Variants in VAV3 observed in about 807,000 individuals in gnomAD.
VAV3 encodes guanine nucleotide exchange factor VAV3.
A neutral mutation model predicts 131.2 loss-of-function variants in VAV3; 94 were observed. The ratio of observed to expected loss-of-function variants is 0.72; its 90% CI spans 0.61 to 0.85. The LOEUF is 0.85. VAV3 is among the 40% of genes least tolerant of loss of function. The probability of loss-of-function intolerance (pLI) is 0.00; values close to 1 mark genes in which losing one functional copy is unlikely to be tolerated. For synonymous variants in VAV3, 349 were observed against 342.0 expected, an observed-to-expected ratio of 1.02 and a Z score of -0.22; for missense variants, 939 against 1,002.7, an observed-to-expected ratio of 0.94 and a Z score of 0.86.
At position 107,700,366 on chromosome 1, in the gene VAV3, G is replaced by A. The variant is rs150085302; in HGVS notation, c.1705+4184C>T. On this transcript the variant is annotated intron_variant, in intron 17 of 26. Coordinates refer to ENST00000370056, the MANE Select transcript of VAV3 (RefSeq NM_006113.5). The stretch of plus-strand genomic sequence containing the variant: ...GCAGGTTTGTTACATAGGTAAACGC[G>A]TGCCATGGTGGTTTGCTGCACCTAT... 1.6e-4 allele frequency among the ~76,000 whole-genome samples: 25 copies of A among 152,300 alleles called. No individual in the cohort carries two copies. In the East Asian group the frequency reaches 4.6e-3, roughly 28 times the overall value.
At chr1:107,914,600 A>G (rs1392774578) in intron 1 of VAV3, among the ~76,000 whole-genome samples, 5 of 152,200 alleles carry the variant, frequency 3.3e-5, no homozygotes, top group Non-Finnish European at 7.3e-5. Flanking sequence ...CTGTTCTTAT[A>G]AAAGACTGTG....
intron 1 of VAV3, among the ~76,000 whole-genome samples, chr1:107,876,733 C>G (rs957210753): frequency 1.8e-4 from 27 of 152,114 alleles, no homozygotes; most frequent in African/African-American, 6.0e-4. Context: ...CATACCCTAA[C>G]TGCAGTGGCA....
intron 1 of VAV3, among the ~76,000 whole-genome samples, chr1:107,936,454 T>C (rs1159842378): frequency 1.3e-5 from 2 of 152,158 alleles, no homozygotes; most frequent in Non-Finnish European, 2.9e-5. Context: ...CACTAACAGA[T>C]TTGTCTTACC....
At chr1:107,843,993 CTTTAACT>C (rs1668847961) in intron 2 of VAV3, among the ~76,000 whole-genome samples, 1 of 151,960 alleles carries the variant, frequency 6.6e-6, no homozygotes, top group Non-Finnish European at 1.5e-5. Flanking sequence ...CTATAAGAGA[CTTTAACT>C]TTTAAAGTTT....
At chr1:107,939,178 C>T (rs572755633) in intron 1 of VAV3, among the ~76,000 whole-genome samples, 5 of 152,112 alleles carry the variant, frequency 3.3e-5, no homozygotes, top group Non-Finnish European at 5.9e-5. Flanking sequence ...ACTAAGATAA[C>T]AGCGCCAATT....
At chr1:107,627,548 T>C (rs1032174764) in intron 20 of VAV3, among the ~76,000 whole-genome samples, 4 of 152,186 alleles carry the variant, frequency 2.6e-5, no homozygotes, top group African/African-American at 7.2e-5. Flanking sequence ...GATTATCATT[T>C]TTCCATTTCT....
chr1:107,894,462 C>A (rs1042582243), intron 1 of VAV3, among the ~76,000 whole-genome samples: 2 of 152,074 alleles, frequency 1.3e-5, no homozygotes, highest in African/African-American at 4.8e-5. Flanking sequence ...TTAAAACAAG[C>A]TGAACTCTCA....
At position 107,772,720 on chromosome 1, in the gene VAV3, A is replaced by C. The variant is rs760842101; in HGVS notation, c.555+15T>G. On this transcript the variant is annotated intron_variant, in intron 5 of 26. Coordinates refer to ENST00000370056, the MANE Select transcript of VAV3 (RefSeq NM_006113.5). ...AAATATTCAGAGTAACTTTAAAAAC[A>C]AGTAAAAGTCCTACGGGCTGATGTG... 6 of 1,594,010 alleles carry C rather than the reference A, an allele frequency of 3.8e-6. No individual in the cohort carries two copies. The East Asian group carries it at 1.3e-4, about 36-fold the overall frequency.
At chr1:107,695,000 T>A (rs1659658807) in intron 17 of VAV3, among the ~76,000 whole-genome samples, 1 of 152,110 alleles carries the variant, frequency 6.6e-6, no homozygotes, top group Admixed American at 6.5e-5. Flanking sequence ...GGGGGCAACA[T>A]CTGCATTGAC....
chr1:107,925,131 A>ATG (rs1230807434), intron 1 of VAV3, among the ~76,000 whole-genome samples: 1 of 152,188 alleles, frequency 6.6e-6, no homozygotes, highest in African/African-American at 2.4e-5. Flanking sequence ...AGAGTGCATT[A>ATG]TGTGTGATTC....
At chr1:107,874,877 G>T in intron 2 of VAV3, 24 bp downstream of exon 2, 1 of 1,581,602 alleles carries the variant, frequency 6.3e-7, no homozygotes. Flanking sequence ...TTAAAAAGTA[G>T]TGTTAAAAAT....
intron 1 of VAV3, among the ~76,000 whole-genome samples, chr1:107,887,832 CATA>C (rs1353149618): frequency 6.6e-6 from 1 of 152,150 alleles, no homozygotes; most frequent in African/African-American, 2.4e-5. Flanking sequence ...AAACTAAATA[CATA>C]ATAATTTTTC....
intron 15 of VAV3, among the ~76,000 whole-genome samples, chr1:107,717,592 G>A (rs1661188713): frequency 6.6e-6 from 1 of 152,138 alleles, no homozygotes; most frequent in African/African-American, 2.4e-5. Flanking sequence ...ATTGCACTGT[G>A]GTCTGAGAGA....
intron 19 of VAV3, among the ~76,000 whole-genome samples, chr1:107,654,488 T>C (rs550858430): frequency 6.6e-6 from 1 of 152,090 alleles, no homozygotes; most frequent in African/African-American, 2.4e-5. Flanking sequence ...TGTAAAATAT[T>C]TGAAATGTAG....
chr1:107,589,036 A>C (rs1380883310), intron 25 of VAV3, among the ~76,000 whole-genome samples: 2 of 152,178 alleles, frequency 1.3e-5, no homozygotes, highest in Non-Finnish European at 2.9e-5. Context: ...TTTTTCTTGT[A>C]TAAATCTCAT....
chr1:107,962,181 T>C (rs1675117950), intron 1 of VAV3, among the ~76,000 whole-genome samples: 1 of 152,226 alleles, frequency 6.6e-6, no homozygotes, highest in Non-Finnish European at 1.5e-5. Context: ...ACAGAACGAC[T>C]CTCAGACATA....
At chr1:107,927,726 T>C (rs1040468040) in intron 1 of VAV3, among the ~76,000 whole-genome samples, 1 of 152,062 alleles carries the variant, frequency 6.6e-6, no homozygotes. Flanking sequence ...TAGGAAGAAC[T>C]GTGTCTTGTG....
At chr1:107,802,508 A>T (rs1666873393) in intron 2 of VAV3, among the ~76,000 whole-genome samples, 1 of 152,022 alleles carries the variant, frequency 6.6e-6, no homozygotes. Context: ...ATTTGGAATT[A>T]TGTTCCTTCT....
intron 15 of VAV3, among the ~76,000 whole-genome samples, chr1:107,710,013 A>T (rs1472576590): frequency 6.6e-6 from 1 of 152,244 alleles, no homozygotes; most frequent in Non-Finnish European, 1.5e-5. Context: ...TAGTAATACA[A>T]TGTAAAATAA....
Sources: allele counts gnomAD v4.1 joint callset (sites outside exome capture counted in the v4.1 genomes callset), GRCh38; gene constraint gnomAD v4.1.1; transcripts MANE v1.5; gene names NCBI Gene and HGNC (gene_info 2026-07-23, HGNC 2026-07-21).